GHR: variants seen among roughly 807,000 people sequenced by gnomAD.
GHR encodes the protein GH receptor.
GHR carries 35 observed loss-of-function variants against 67.1 expected under a neutral mutation model. That is an observed-to-expected ratio of 0.52 (90% CI 0.40 to 0.69). The LOEUF is 0.69. GHR is among the 30% of genes least tolerant of loss of function. The pLI is 0.00. For synonymous variants in GHR, 272 were observed against 269.1 expected (o/e 1.01, Z -0.10); for missense variants, 792 against 764.6 (o/e 1.04, Z -0.42).
intron 3 of GHR, among the ~76,000 whole-genome samples, chr5:42,685,493 G>T (rs1757094277): frequency 6.6e-6 from 1 of 152,138 alleles, no homozygotes. Flanking sequence ...GGTATTTCTA[G>T]TTCTAGATCC....
chr5:42,681,371 T>C (rs1231729759), intron 3 of GHR, among the ~76,000 whole-genome samples: 9 of 152,084 alleles, frequency 5.9e-5, no homozygotes, highest in African/African-American at 1.4e-4. Context: ...TCATCATCAC[T>C]GGTCATCAGA....
chr5:42,590,256 T>C (rs1751705122), intron 2 of GHR, among the ~76,000 whole-genome samples: 1 of 152,214 alleles, frequency 6.6e-6, no homozygotes, highest in Admixed American at 6.5e-5. Flanking sequence ...CAACTTCTAC[T>C]TTCAAATGTA....
At chr5:42,623,272 G>C (rs1206130387) in intron 2 of GHR, among the ~76,000 whole-genome samples, 4 of 152,148 alleles carry the variant, frequency 2.6e-5, no homozygotes, top group Non-Finnish European at 5.9e-5. Context: ...GTACAAGGTT[G>C]AGTGTAAGTA....
At chr5:42,484,533 C>T (rs1303360541) in intron 1 of GHR, among the ~76,000 whole-genome samples, 2 of 152,222 alleles carry the variant, frequency 1.3e-5, no homozygotes, top group Non-Finnish European at 2.9e-5. Flanking sequence ...CTTGCATTCT[C>T]TTCCAGAAAT....
At chr5:42,644,025 T>TA (rs1235922863) in intron 3 of GHR, among the ~76,000 whole-genome samples, 1 of 152,100 alleles carries the variant, frequency 6.6e-6, no homozygotes. Flanking sequence ...TTCTAGTTAA[T>TA]AAATATAAAA....
In GHR at chr5:42,423,640, T is replaced by C. The variant is rs1742710790; in HGVS notation, c.-327T>C. On this transcript the variant is annotated 5_prime_UTR_variant, in exon 1 of 10. Coordinates refer to ENST00000230882, the MANE Select transcript of GHR (RefSeq NM_000163.5). The stretch of plus-strand genomic sequence containing the variant: ...GCGCGGCGTGACCCCTGGTGAACGG[T>C]GGCCGCCTTTTCCCACCCCTGCCCT... 6.5e-6 allele frequency: 1 copy of C among 153,162 alleles called. No individual in the cohort carries two copies. The highest frequency in any genetic ancestry group is 2.4e-5 in the African/African-American group (1 of 41,450). 9.5% of individuals were successfully genotyped at this position (153,162 alleles called of 1,614,324 possible). A position where few individuals can be genotyped will look rare whatever the true frequency, so the allele number is the denominator to read the frequency against.
intron 1 of GHR, among the ~76,000 whole-genome samples, chr5:42,542,021 A>C (rs1352775548): frequency 6.6e-6 from 1 of 152,212 alleles, no homozygotes; most frequent in African/African-American, 2.4e-5. Flanking sequence ...GATTAAAGTT[A>C]TGATTTGGAC....
chr5:42,531,739 T>G (rs1364548732), intron 1 of GHR, among the ~76,000 whole-genome samples: 2 of 152,180 alleles, frequency 1.3e-5, no homozygotes, highest in Non-Finnish European at 2.9e-5. Context: ...TTTTAATGGT[T>G]ATTTGCTAGC....
At chr5:42,487,040 T>C (rs974765580) in intron 1 of GHR, among the ~76,000 whole-genome samples, 8 of 152,096 alleles carry the variant, frequency 5.3e-5, no homozygotes, top group Non-Finnish European at 1.2e-4. Context: ...TGCAGTATCA[T>C]CCATATCTCA....
chr5:42,696,974 A>G (rs1280028734), intron 5 of GHR, among the ~76,000 whole-genome samples: 4 of 152,176 alleles, frequency 2.6e-5, no homozygotes, highest in Non-Finnish European at 5.9e-5. Context: ...AGAGAAATTA[A>G]TCTTGTTGCA....
chr5:42,472,228 A>T (rs1166614123), intron 1 of GHR, among the ~76,000 whole-genome samples: 2 of 152,100 alleles, frequency 1.3e-5, no homozygotes, highest in East Asian at 3.9e-4. Context: ...ACTTCTGGAG[A>T]TGTATGCTTT....
intron 2 of GHR, among the ~76,000 whole-genome samples, chr5:42,604,428 T>C (rs1240762172): frequency 1.3e-5 from 2 of 152,230 alleles, no homozygotes; most frequent in Admixed American, 6.5e-5. Context: ...AGGACCTTTT[T>C]TGAAATGAAA....
intron 3 of GHR, among the ~76,000 whole-genome samples, chr5:42,672,492 A>G (rs1481874979): frequency 1.3e-5 from 2 of 152,192 alleles, no homozygotes; most frequent in Non-Finnish European, 2.9e-5. Flanking sequence ...AATCTTCAAC[A>G]AAGATGACAA....
intron 2 of GHR, among the ~76,000 whole-genome samples, chr5:42,566,467 A>G (rs1183696115): frequency 1.3e-5 from 2 of 152,228 alleles, no homozygotes; most frequent in Non-Finnish European, 2.9e-5. Context: ...TAGTTGAATG[A>G]TATACCCAGA....
intron 3 of GHR, among the ~76,000 whole-genome samples, chr5:42,640,398 CA>C (rs1386815555): frequency 6.6e-6 from 1 of 152,068 alleles, no homozygotes; most frequent in Non-Finnish European, 1.5e-5. Flanking sequence ...GTTCCTAGCA[CA>C]AAGTAGATAT....
At chr5:42,482,879 A>G (rs1284924180) in intron 1 of GHR, among the ~76,000 whole-genome samples, 2 of 152,046 alleles carry the variant, frequency 1.3e-5, no homozygotes, top group Admixed American at 6.6e-5. Context: ...GGTGTGCTGC[A>G]CCCACTGTCC....
chr5:42,483,775 G>A (rs2972419), intron 1 of GHR, among the ~76,000 whole-genome samples: 26,458 of 152,180 alleles, frequency 0.17, 2,566 homozygotes, highest in Middle Eastern at 0.27. Flanking sequence ...GCCAGAGAAA[G>A]GGTAACTGTA....
intron 3 of GHR, among the ~76,000 whole-genome samples, chr5:42,631,123 T>A (rs1293211592): frequency 6.6e-6 from 1 of 152,118 alleles, no homozygotes; most frequent in Non-Finnish European, 1.5e-5. Flanking sequence ...TTCAGTTTGG[T>A]TCTGTATGTC....
At chr5:42,557,378 T>A (rs1749367738) in intron 1 of GHR, among the ~76,000 whole-genome samples, 1 of 152,160 alleles carries the variant, frequency 6.6e-6, no homozygotes, top group South Asian at 2.1e-4. Flanking sequence ...GTCCTCTTCA[T>A]GATATATAAA....
Sources: gnomAD v4.1 joint callset for allele counts (sites outside exome capture counted in the v4.1 genomes callset) on GRCh38, gnomAD v4.1.1 for gene constraint, MANE v1.5 for transcripts, NCBI Gene and HGNC (gene_info 2026-07-23, HGNC 2026-07-21) for gene names.